The following CALN1 variants were observed in gnomAD, a reference collection of about 807,000 sequenced individuals.
CALN1 encodes calneuron 1.
CALN1 carries 17 observed loss-of-function variants against 30.6 expected under a neutral mutation model. The ratio of observed to expected loss-of-function variants is 0.56; its 90% CI spans 0.38 to 0.83. The LOEUF (loss-of-function observed/expected upper bound fraction) is 0.83. Among genes scored for constraint, CALN1 ranks in the 40% least tolerant of loss-of-function variants. CALN1 has a pLI of 0.00. For synonymous variants in CALN1, 156 were observed against 131.4 expected (o/e 1.19, Z -1.28); for missense variants, 291 against 354.9 (o/e 0.82, Z 1.45).
intron 2 of CALN1, among the ~76,000 whole-genome samples, chr7:72,291,055 C>T (rs904654260): frequency 6.6e-6 from 1 of 151,994 alleles, no homozygotes; most frequent in African/African-American, 2.4e-5. Context: ...TTCCAAGTAG[C>T]TGGGATTACA....
chr7:71,801,952 C>T (rs190374749), intron 6 of CALN1, among the ~76,000 whole-genome samples: 328 of 151,156 alleles, frequency 2.2e-3, no homozygotes, highest in Non-Finnish European at 3.4e-3. Flanking sequence ...CACTCCAGCC[C>T]GGGCAACAGA....
At chr7:71,963,479 AT>A (rs1254699570) in intron 5 of CALN1, among the ~76,000 whole-genome samples, 3 of 150,014 alleles carry the variant, frequency 2.0e-5, no homozygotes, top group Admixed American at 6.7e-5. Flanking sequence ...TCATGTTTGT[AT>A]TTTTAGTAGA....
rs553312745 is a variant in CALN1 at position 71,795,888 on chromosome 7, G to A, written c.659-7986C>T. Among the ~76,000 whole-genome samples, 5 of 135,830 alleles carry A rather than the reference G, an allele frequency of 3.7e-5. No individual in the cohort carries two copies. In the East Asian group the frequency reaches 9.6e-4, roughly 26 times the overall value. 89.1% of individuals were successfully genotyped at this position (135,830 alleles called of 152,430 possible). On this transcript the variant is annotated intron_variant, in intron 6 of 6. Transcript: ENST00000395275. ...GGCTGGAGTGCAGCGGCACCATCTCGGCTCACTGCAAGCTCCGCCTCCCGG... is the reference window on the plus strand; with the variant it reads ...GGCTGGAGTGCAGCGGCACCATCTCAGCTCACTGCAAGCTCCGCCTCCCGG...
At chr7:72,485,727 C>A in the CALN1 span, among the ~76,000 whole-genome samples, 1 of 152,026 alleles carries the variant, frequency 6.6e-6, no homozygotes, top group Non-Finnish European at 1.5e-5. Context: ...AAAAATTAGC[C>A]GGGTGTGGTG....
At chr7:72,305,093 G>A (rs1170378162) in intron 2 of CALN1, among the ~76,000 whole-genome samples, 1 of 152,178 alleles carries the variant, frequency 6.6e-6, no homozygotes, top group Non-Finnish European at 1.5e-5. Context: ...GCCTGGGTTG[G>A]AACCCTTTAA....
intron 5 of CALN1, among the ~76,000 whole-genome samples, chr7:71,987,072 G>C (rs973568282): frequency 6.6e-6 from 1 of 151,790 alleles, no homozygotes; most frequent in Admixed American, 6.6e-5. Flanking sequence ...GTTGCAGTGA[G>C]CCGAGATCCC....
intron 2 of CALN1, among the ~76,000 whole-genome samples, chr7:72,299,620 AG>A (rs1227611529): frequency 6.6e-6 from 1 of 152,078 alleles, no homozygotes; most frequent in African/African-American, 2.4e-5. Context: ...GAATTAATAA[AG>A]TATGCAAAAA....
At chr7:72,171,780 A>G (rs938337638) in intron 3 of CALN1, among the ~76,000 whole-genome samples, 1 of 152,224 alleles carries the variant, frequency 6.6e-6, no homozygotes, top group African/African-American at 2.4e-5. Flanking sequence ...TTTAGAGATC[A>G]GTAAACTAAG....
At chr7:72,379,848 G>C (rs1307839608) in intron 2 of CALN1, among the ~76,000 whole-genome samples, 2 of 152,204 alleles carry the variant, frequency 1.3e-5, no homozygotes, top group Non-Finnish European at 2.9e-5. Flanking sequence ...GCAGGGACCT[G>C]AAAATGACAT....
intron 2 of CALN1, among the ~76,000 whole-genome samples, chr7:72,304,937 G>T (rs892568500): frequency 6.6e-6 from 1 of 152,208 alleles, no homozygotes; most frequent in Non-Finnish European, 1.5e-5. Flanking sequence ...TTTTACAAAT[G>T]AAAGAGCCTG....
chr7:72,215,797 C>T (rs1361376178), intron 3 of CALN1, among the ~76,000 whole-genome samples: 1 of 152,116 alleles, frequency 6.6e-6, no homozygotes, highest in Non-Finnish European at 1.5e-5. Context: ...TTGGGATTCA[C>T]TCAGTGTTGA....
chr7:72,040,895 A>C (rs947701077), intron 4 of CALN1, among the ~76,000 whole-genome samples: 5 of 152,164 alleles, frequency 3.3e-5, no homozygotes, highest in African/African-American at 1.2e-4. Context: ...AAAAAAATAA[A>C]CAAATTTCTG....
At chr7:72,057,167 G>C (rs1046152336) in intron 4 of CALN1, among the ~76,000 whole-genome samples, 3 of 151,894 alleles carry the variant, frequency 2.0e-5, no homozygotes, top group Non-Finnish European at 4.4e-5. Context: ...GACTAGTCTT[G>C]AACGCCCGGC....
rs73187039 is a variant in CALN1 at position 71,972,054 on chromosome 7, G to A, written c.501+51603C>T. Among the ~76,000 whole-genome samples, 642 of 151,380 alleles carry A rather than the reference G, an allele frequency of 4.2e-3. 5 individuals carry two copies. Among genetic ancestry groups the A allele is most frequent in the Non-Finnish European group, 7.4e-3 (499 of 67,880 alleles). On this transcript the variant is annotated intron_variant, in intron 5 of 6. Transcript: ENST00000395275. ...AAAGAAAGACACACTCAGAGTTGAC[G>A]CTATTTGCTCAAGCTCAACCCAACT...
At chr7:71,873,147 G>T (rs1024956642) in intron 5 of CALN1, among the ~76,000 whole-genome samples, 1 of 151,480 alleles carries the variant, frequency 6.6e-6, no homozygotes, top group Non-Finnish European at 1.5e-5. Context: ...AGGATTACAG[G>T]CACCCACCAC....
At chr7:72,366,987 C>T (rs1017786904) in intron 2 of CALN1, among the ~76,000 whole-genome samples, 20 of 152,064 alleles carry the variant, frequency 1.3e-4, no homozygotes, top group African/African-American at 4.8e-4. Flanking sequence ...AAAGAATATA[C>T]CACAACAATA....
chr7:72,150,398 G>A (rs1563100794), intron 3 of CALN1, among the ~76,000 whole-genome samples: 2 of 152,326 alleles, frequency 1.3e-5, no homozygotes, highest in East Asian at 3.9e-4. Flanking sequence ...GTTCTAGGGG[G>A]TTTACTCACA....
chr7:72,415,445 A>G (rs1212162165), upstream of CALN1, among the ~76,000 whole-genome samples: 4 of 152,244 alleles, frequency 2.6e-5, no homozygotes, highest in Non-Finnish European at 4.4e-5. Context: ...CATTGTTGCT[A>G]TGAGTGAGTA....
At chr7:71,867,654 C>T (rs889376566) in intron 5 of CALN1, among the ~76,000 whole-genome samples, 60 of 152,012 alleles carry the variant, frequency 3.9e-4, no homozygotes, top group African/African-American at 1.4e-3. Flanking sequence ...AGGATGGTCT[C>T]GATCTTTCGA....
Sources: allele counts gnomAD v4.1 joint callset (sites outside exome capture counted in the v4.1 genomes callset), GRCh38; gene constraint gnomAD v4.1.1; transcripts MANE v1.5; gene names NCBI Gene and HGNC (gene_info 2026-07-23, HGNC 2026-07-21).